Variants in KDM5B observed in about 807,000 individuals in gnomAD.
KDM5B encodes the protein lysine demethylase 5B.
In KDM5B, 144 loss-of-function variants were observed where a neutral mutation model predicts 193.4. The ratio of observed to expected loss-of-function variants is 0.74; its 90% confidence interval spans 0.65 to 0.86. KDM5B has a LOEUF of 0.86. KDM5B is among the 40% of genes least tolerant of loss of function. KDM5B has a pLI of 0.00. For synonymous variants in KDM5B, 668 were observed against 682.6 expected (o/e 0.98, Z 0.33); for missense variants, 1,833 against 1,886.9 (o/e 0.97, Z 0.53).
chr1:202,775,278 C>T (rs1278063662), intron 2 of KDM5B, among the ~76,000 whole-genome samples: 3 of 151,840 alleles, frequency 2.0e-5, no homozygotes, highest in Non-Finnish European at 2.9e-5. Context: ...TGGCTCATGG[C>T]TGTAATCCCA....
chr1:202,778,094 G>C (rs1363492748), intron 1 of KDM5B, among the ~76,000 whole-genome samples: 1 of 151,698 alleles, frequency 6.6e-6, no homozygotes, highest in Non-Finnish European at 1.5e-5. Context: ...AGAATCGCTG[G>C]AACACAAGAG....
rs1181146710 is a variant in KDM5B, at chr1:202,729,800, C to A, written c.4404G>T (p.Leu1468=). 1 of 1,614,040 alleles carries A rather than the reference C, an allele frequency of 6.2e-7. No homozygotes were observed. Among genetic ancestry groups the A allele is most frequent in the African/African-American group, 1.3e-5 (1 of 74,930 alleles). The change falls in exon 26 of 27, where the codon CTG becomes CTT. Residue 1468 remains leucine (L), a synonymous_variant. Transcript: ENST00000367265. ...ELVRSAETHS[L]PSDTSYSEQE... The stretch of plus-strand genomic sequence containing the variant: ...GTTCGGAATAGGATGTGTCTGAGGG[C>A]AGGGAATGAGTTTCAGCAGAACGAA...
At chr1:202,768,214 G>A (rs1019604702) in intron 4 of KDM5B, among the ~76,000 whole-genome samples, 3 of 152,008 alleles carry the variant, frequency 2.0e-5, no homozygotes, top group Non-Finnish European at 4.4e-5. Context: ...GCTAAAGGAG[G>A]GTATTTAATG....
chr1:202,729,744 C>T lies in KDM5B; in HGVS notation c.4460G>A (p.Cys1487Tyr). Residue 1487 changes from cysteine to tyrosine, a missense_variant, in exon 26 of 27, where the codon TGC becomes TAC. Cys to Tyr is a radical substitution (Grantham distance 194). Coordinates refer to ENST00000367265, the MANE Select transcript of KDM5B (RefSeq NM_006618.5). ...QEDSEDEDAI[C>Y]PAVSCLQPEG... ...TGGCTGCAGGCAGCTCACAGCTGGG[C>T]AGATGGCATCTTCATCCTCAGAGTC... 1.9e-6 allele frequency: 3 copies of T among 1,614,070 alleles called. No individual in the cohort carries two copies. The highest frequency in any genetic ancestry group is 2.5e-6 in the Non-Finnish European group (3 of 1,179,950).
chr1:202,807,695 G>A (rs1294182314), intron 1 of KDM5B, among the ~76,000 whole-genome samples: 21 of 138,790 alleles, frequency 1.5e-4, no homozygotes, highest in Non-Finnish European at 3.1e-4. Context: ...GAGCGGAGGC[G>A]AGGACCAGCC....
intron 1 of KDM5B, among the ~76,000 whole-genome samples, chr1:202,794,751 G>C (rs1269655087): frequency 6.6e-6 from 1 of 152,002 alleles, no homozygotes; most frequent in Admixed American, 6.6e-5. Context: ...TTATCTGGAG[G>C]GATACATTCC....
At chr1:202,771,769 A>G (rs1284877609) in intron 4 of KDM5B, among the ~76,000 whole-genome samples, 1 of 151,286 alleles carries the variant, frequency 6.6e-6, no homozygotes, top group Non-Finnish European at 1.5e-5. Flanking sequence ...TTTAGTGGAG[A>G]CAGGGTTTCA....
intron 1 of KDM5B, among the ~76,000 whole-genome samples, chr1:202,789,596 A>AG (rs35321442): frequency 7.5e-6 from 1 of 133,064 alleles, no homozygotes; most frequent in Non-Finnish European, 1.6e-5. Context: ...AAAGGAGGAA[A>AG]GGGAAGGGGA....
At chr1:202,740,557 G>T (rs898951680) in intron 20 of KDM5B, 117 bp downstream of exon 20, 40 of 926,598 alleles carry the variant, frequency 4.3e-5, no homozygotes, top group Non-Finnish European at 5.7e-5. Flanking sequence ...CTCACCTCCC[G>T]GACGGGGCGG....
intron 16 of KDM5B, among the ~76,000 whole-genome samples, chr1:202,745,132 C>A (rs576275967): frequency 2.6e-5 from 4 of 152,030 alleles, no homozygotes; most frequent in African/African-American, 4.8e-5. Flanking sequence ...GGGAGTAACA[C>A]GTGAACACAT....
At chr1:202,757,052 A>G (rs1656041053) in intron 9 of KDM5B, among the ~76,000 whole-genome samples, 2 of 150,962 alleles carry the variant, frequency 1.3e-5, no homozygotes, top group South Asian at 4.2e-4. Flanking sequence ...ATGGAAGGCA[A>G]TTTTTCCATG....
chr1:202,752,905 A>G lies in KDM5B; in HGVS notation c.1701T>C (p.Pro567=), dbSNP rs2102256269. The change falls in exon 12 of 27, where the codon CCT becomes CCC. Residue 567 remains proline (P), a splice_region_variant and synonymous_variant. Coordinates refer to ENST00000367265, the MANE Select transcript of KDM5B (RefSeq NM_006618.5). ...NPNTLMTHEV[P]VYRTNQCAGE... is the part of the protein sequence containing the mutation. Reference sequence around the variant, plus strand: ...GCAGGAGGATTAACCCAGAACATACAGGCACTTCATGAGTCATCAGGGTAT... The same window carrying G: ...GCAGGAGGATTAACCCAGAACATACGGGCACTTCATGAGTCATCAGGGTAT... The G allele has an allele frequency of 6.2e-7, 1 of 1,612,694 alleles. No homozygotes were observed. Among genetic ancestry groups the G allele is most frequent in the East Asian group, 2.2e-5 (1 of 44,870 alleles).
chr1:202,741,720 A>T lies in KDM5B; in HGVS notation c.2592T>A (p.Asp864Glu). 6.4e-7 allele frequency: 1 copy of T among 1,570,630 alleles called. No individual in the cohort carries two copies. The highest frequency in any genetic ancestry group is 1.4e-5 in the African/African-American group (1 of 73,844). Residue 864 changes from aspartate to glutamate, a missense_variant and splice_region_variant, in exon 19 of 27, where the codon GAT becomes GAA. Asp to Glu is a conservative substitution (Grantham distance 45, BLOSUM62 2). Coordinates refer to ENST00000367265, the MANE Select transcript of KDM5B (RefSeq NM_006618.5). ...GAAAATCTTCTACACGATTCAAGAGATCCTAAAAAAAAATACACAGGTTGT... is the reference window on the plus strand; with the variant it reads ...GAAAATCTTCTACACGATTCAAGAGTTCCTAAAAAAAAATACACAGGTTGT... ...CVLSQTPLLK[D>E]LLNRVEDFQQ... is the part of the protein sequence containing the mutation.
intron 1 of KDM5B, among the ~76,000 whole-genome samples, chr1:202,789,565 G>GAAAA (rs1397828019): frequency 6.1e-5 from 9 of 146,514 alleles, no homozygotes; most frequent in Non-Finnish European, 1.2e-4. Context: ...AAAAGGAAAG[G>GAAAA]AGAAAGGAAA....
chr1:202,733,731 T>C lies in KDM5B; in HGVS notation c.3579A>G (p.Glu1193=). 1 of 1,613,858 alleles carries C rather than the reference T, an allele frequency of 6.2e-7. No homozygotes were observed. Among genetic ancestry groups the C allele is most frequent in the Non-Finnish European group, 8.5e-7 (1 of 1,179,952 alleles). ...KAPAAPMIQC[E]LCRDAFHTSC... is the part of the protein sequence containing the mutation. The stretch of plus-strand genomic sequence containing the variant: ...TGGTGTGGAAAGCATCCCTGCAGAG[T>C]TCACATTGAATCATAGGGGCAGCTG... Residue 1193 remains glutamate, a synonymous_variant, in exon 23 of 27, where the codon GAA becomes GAG. Transcript: ENST00000367265.
chr1:202,741,919 T>C (rs1031977681), intron 18 of KDM5B, among the ~76,000 whole-genome samples, 197 bp from the exon 19 acceptor site: 1 of 150,832 alleles, frequency 6.6e-6, no homozygotes, highest in Non-Finnish European at 1.5e-5. Flanking sequence ...CAGCTTAAAC[T>C]AGCTGAGGTC....
intron 20 of KDM5B, among the ~76,000 whole-genome samples, chr1:202,737,921 A>G (rs1655156345): frequency 6.6e-6 from 1 of 152,230 alleles, no homozygotes; most frequent in Non-Finnish European, 1.5e-5. Flanking sequence ...TTTGATATTT[A>G]TTCTTACAGA....
intron 9 of KDM5B, among the ~76,000 whole-genome samples, chr1:202,758,127 T>C (rs1171656965): frequency 6.6e-6 from 1 of 152,246 alleles, no homozygotes; most frequent in African/African-American, 2.4e-5. Context: ...TGATTGCTGA[T>C]GATTTTCTTT....
At chr1:202,752,821 C>A in intron 12 of KDM5B, 84 bp downstream of exon 12, 1 of 1,316,002 alleles carries the variant, frequency 7.6e-7, no homozygotes, top group South Asian at 1.3e-5. Context: ...AGAACTAAAT[C>A]AACATCATAA....
Sources: allele counts gnomAD v4.1 joint callset (sites outside exome capture counted in the v4.1 genomes callset), GRCh38; gene constraint gnomAD v4.1.1; transcripts MANE v1.5; gene names NCBI Gene and HGNC (gene_info 2026-07-23, HGNC 2026-07-21).